The following RNF182 variants were observed in gnomAD, a reference collection of about 807,000 sequenced individuals.
RNF182 encodes the protein E3 ubiquitin-protein ligase RNF182.
RNF182 carries 15 observed loss-of-function variants against 14.4 expected under a neutral mutation model. That is an observed-to-expected ratio of 1.04 (90% CI 0.70 to 1.60). The LOEUF (loss-of-function observed/expected upper bound fraction) is 1.60, where lower values mean the gene tolerates loss of function less well. Ranked by LOEUF, RNF182 falls within the 40% of genes most tolerant of loss-of-function variation. The pLI is 0.00. For missense variants in RNF182, 268 were observed against 294.8 expected, an observed-to-expected ratio of 0.91 and a Z score of 0.67; for synonymous variants, 128 against 122.9, an observed-to-expected ratio of 1.04 and a Z score of -0.27.
intron 1 of RNF182, among the ~76,000 whole-genome samples, chr6:13,964,283 A>G (rs915959746): frequency 2.0e-5 from 3 of 152,204 alleles, no homozygotes; most frequent in African/African-American, 7.2e-5. Flanking sequence ...AATAATATGC[A>G]AAAAGGAGAA....
chr6:13,941,466 C>A (rs1043842412), intron 1 of RNF182, among the ~76,000 whole-genome samples: 3 of 152,048 alleles, frequency 2.0e-5, no homozygotes, highest in Non-Finnish European at 4.4e-5. Flanking sequence ...CCGCATATAG[C>A]TGGCTTTTGT....
At chr6:13,953,395 C>T (rs1759644112) in intron 1 of RNF182, among the ~76,000 whole-genome samples, 1 of 151,926 alleles carries the variant, frequency 6.6e-6, no homozygotes, top group African/African-American at 2.4e-5. Context: ...TGGTGGGGGG[C>T]AGAGGGGTGG....
intron 1 of RNF182, among the ~76,000 whole-genome samples, chr6:13,969,053 C>T (rs1760108741): frequency 6.6e-6 from 1 of 152,106 alleles, no homozygotes. Context: ...AACCTTCATA[C>T]ATTATTGACT....
Position 13,977,772 on chromosome 6 carries a change from T to C in RNF182, c.653T>C (p.Leu218Pro), listed in dbSNP as rs1760376315. The C allele has an allele frequency of 6.2e-7, 1 of 1,614,180 alleles. No individual in the cohort carries two copies. Among genetic ancestry groups the C allele is most frequent in the African/African-American group, 1.3e-5 (1 of 75,050 alleles). ...KVTLGVVFVSLVPSSLVILMV... is the reference protein window; with the variant it reads ...KVTLGVVFVSPVPSSLVILMV... ...ACCCTTGGGGTCGTCTTTGTCAGCCTGGTCCCTTCGAGCCTCGTTATTCTT... is the reference window on the plus strand; with the variant it reads ...ACCCTTGGGGTCGTCTTTGTCAGCCCGGTCCCTTCGAGCCTCGTTATTCTT... The change falls in exon 3 of 3, where the codon CTG becomes CCG. Residue 218 changes from leucine to proline, a missense_variant. Leu to Pro is a moderately conservative substitution (Grantham distance 98). Coordinates refer to ENST00000488300, the MANE Select transcript of RNF182 (RefSeq NM_152737.4).
chr6:13,941,806 T>C (rs1759306444), intron 1 of RNF182, among the ~76,000 whole-genome samples: 1 of 152,200 alleles, frequency 6.6e-6, no homozygotes, highest in Non-Finnish European at 1.5e-5. Context: ...ATTAGAATAC[T>C]TTGACTCTAT....
At chr6:13,943,842 A>G (rs926461428) in intron 1 of RNF182, among the ~76,000 whole-genome samples, 1 of 152,164 alleles carries the variant, frequency 6.6e-6, no homozygotes, top group Non-Finnish European at 1.5e-5. Flanking sequence ...AAATGCTGGG[A>G]TGTACTAAAC....
chr6:13,957,332 T>C (rs1220674504), intron 1 of RNF182, among the ~76,000 whole-genome samples: 1 of 152,236 alleles, frequency 6.6e-6, no homozygotes, highest in African/African-American at 2.4e-5. Flanking sequence ...AAAAGGCCTA[T>C]TGAGAAAAGC....
intron 1 of RNF182, among the ~76,000 whole-genome samples, chr6:13,936,997 G>C (rs1229363970): frequency 6.6e-6 from 1 of 152,182 alleles, no homozygotes; most frequent in Non-Finnish European, 1.5e-5. Context: ...ACAGAGGCCA[G>C]ATTAGGAAGA....
At chr6:13,943,876 G>C (rs1310755814) in intron 1 of RNF182, among the ~76,000 whole-genome samples, 1 of 152,166 alleles carries the variant, frequency 6.6e-6, no homozygotes, top group Non-Finnish European at 1.5e-5. Context: ...AGACATTAAG[G>C]GTGATTTGTA....
chr6:13,969,744 A>G (rs377290770), intron 1 of RNF182, among the ~76,000 whole-genome samples: 1 of 152,214 alleles, frequency 6.6e-6, no homozygotes, highest in Non-Finnish European at 1.5e-5. Context: ...AAGCTAATTT[A>G]TGAGAATAAT....
At chr6:13,933,641 A>T (rs184208301) in intron 1 of RNF182, among the ~76,000 whole-genome samples, 3 of 152,294 alleles carry the variant, frequency 2.0e-5, no homozygotes, top group Admixed American at 2.0e-4. Context: ...GATTTTAAAC[A>T]TTTTCATTTT....
chr6:13,947,454 G>C (rs1418573057), intron 1 of RNF182, among the ~76,000 whole-genome samples: 1 of 152,202 alleles, frequency 6.6e-6, no homozygotes, highest in Non-Finnish European at 1.5e-5. Context: ...CTTATTGTAT[G>C]TGGCCTGGTT....
At chr6:13,954,936 A>G (rs916972268) in intron 1 of RNF182, among the ~76,000 whole-genome samples, 2 of 152,190 alleles carry the variant, frequency 1.3e-5, no homozygotes, top group East Asian at 1.9e-4. Flanking sequence ...TCAGGAGGCA[A>G]CTGCTGCCTT....
chr6:13,958,593 A>T (rs752874157), intron 1 of RNF182, among the ~76,000 whole-genome samples: 17 of 152,172 alleles, frequency 1.1e-4, no homozygotes, highest in South Asian at 2.1e-4. Flanking sequence ...ACTCTGTGCT[A>T]GCTTATGATA....
rs1760449858 is a variant in RNF182 at position 13,979,902 on chromosome 6, C to G, written c.*2039C>G. ...TTTAGAGAGCAATCTTTGTATGACA[C>G]CAGAAAACTCTTCATGCTATTGAAT... On this transcript the variant is annotated 3_prime_UTR_variant, in exon 3 of 3. Transcript: ENST00000488300. The G allele has an allele frequency of 6.0e-6, 1 of 166,804 alleles. No homozygotes were observed. Among genetic ancestry groups the G allele is most frequent in the South Asian group, 2.1e-4 (1 of 4,822 alleles). The allele number at this position is 166,804 out of a possible 1,614,324, so 10.3% of individuals were successfully genotyped here. A position where few individuals can be genotyped will look rare whatever the true frequency, so the allele number is the denominator to read the frequency against.
intron 1 of RNF182, among the ~76,000 whole-genome samples, chr6:13,942,633 C>T (rs1439660427): frequency 2.6e-5 from 4 of 152,154 alleles, no homozygotes; most frequent in Non-Finnish European, 5.9e-5. Context: ...TGAGCCACCA[C>T]CCCTGGCCAG....
chr6:13,955,407 A>G (rs1384580861), intron 1 of RNF182, among the ~76,000 whole-genome samples: 2 of 152,280 alleles, frequency 1.3e-5, no homozygotes, highest in East Asian at 1.9e-4. Flanking sequence ...AGCTGCATAT[A>G]AAGAAAAGGC....
At chr6:13,961,637 C>T (rs1272210907) in intron 1 of RNF182, 2 of 152,200 alleles carry the variant, frequency 1.3e-5, no homozygotes, top group Admixed American at 1.3e-4. Flanking sequence ...AACAGCACAG[C>T]ATAAATCACA....
In RNF182 at chr6:13,948,653, C is replaced by A. The variant is rs139228297; in HGVS notation, c.-367+23630C>A. Among the ~76,000 whole-genome samples the A allele has an allele frequency of 2.5e-3, 379 of 152,200 alleles. 1 individual carries two copies. The highest frequency in any genetic ancestry group is 8.4e-3 in the African/African-American group (349 of 41,554). On this transcript the variant is annotated intron_variant, in intron 1 of 2. Transcript: ENST00000488300. ...AGACTTATTAAGTCTTTAGGTCCTA[C>A]TTAAGTCCTAGTTTGATTTGGGAAT...
Sources: allele counts gnomAD v4.1 joint callset (sites outside exome capture counted in the v4.1 genomes callset), GRCh38; gene constraint gnomAD v4.1.1; transcripts MANE v1.5; gene names NCBI Gene and HGNC (gene_info 2026-07-23, HGNC 2026-07-21).